The following RICTOR variants were observed in gnomAD, a reference collection of about 807,000 sequenced individuals.
RICTOR encodes RPTOR independent companion of MTOR complex 2.
In RICTOR, 49 loss-of-function variants were observed where a neutral mutation model predicts 214.9. That is an observed-to-expected ratio of 0.23 (90% CI 0.18 to 0.29). The LOEUF is 0.29. Among genes scored for constraint, RICTOR ranks in the 10% least tolerant of loss-of-function variants. The pLI is 1.00. For missense variants in RICTOR, 1,625 were observed against 2,047.0 expected (o/e 0.79, Z 3.98); for synonymous variants, 717 against 711.3 (o/e 1.01, Z -0.13).
chr5:39,059,094 T>C (rs1004103102), intron 2 of RICTOR, among the ~76,000 whole-genome samples: 14 of 152,086 alleles, frequency 9.2e-5, no homozygotes, highest in African/African-American at 3.4e-4. Flanking sequence ...AAAGAATCCA[T>C]CCACATCATA....
intron 2 of RICTOR, among the ~76,000 whole-genome samples, chr5:39,056,080 G>C (rs555168073): frequency 1.3e-5 from 2 of 152,160 alleles, no homozygotes; most frequent in African/African-American, 4.8e-5. Context: ...AACATATTAG[G>C]TTTGATGTAC....
intron 6 of RICTOR, among the ~76,000 whole-genome samples, chr5:38,994,904 G>A (rs1159213313): frequency 6.6e-6 from 1 of 152,082 alleles, no homozygotes; most frequent in Non-Finnish European, 1.5e-5. Flanking sequence ...AAATTCTGAG[G>A]GTCCTTAAGA....
chr5:38,983,971 AAAAACAAAAC>A (rs769537834), intron 7 of RICTOR, among the ~76,000 whole-genome samples: 1 of 152,178 alleles, frequency 6.6e-6, no homozygotes, highest in African/African-American at 2.4e-5. Context: ...TCTCAAAAAC[AAAAACAAAAC>A]AAAACAAAAG....
intron 33 of RICTOR, 98 bp downstream of exon 33, chr5:38,946,370 G>T (rs1298382361): frequency 2.7e-6 from 2 of 742,786 alleles, no homozygotes; most frequent in Non-Finnish European, 2.3e-6. Flanking sequence ...CCAAAAGTGA[G>T]TCTTCCTAAA....
At chr5:38,990,603 TATG>T (rs1752561047) in intron 7 of RICTOR, among the ~76,000 whole-genome samples, 1 of 127,062 alleles carries the variant, frequency 7.9e-6, no homozygotes, top group African/African-American at 3.0e-5. Context: ...ATACGATATA[TATG>T]ATATATATAC....
At chr5:39,016,765 G>A (rs1039697602) in intron 3 of RICTOR, among the ~76,000 whole-genome samples, 1 of 152,132 alleles carries the variant, frequency 6.6e-6, no homozygotes, top group Non-Finnish European at 1.5e-5. Flanking sequence ...TATCTTCACT[G>A]TCCAATGTGG....
At chr5:38,964,003 G>A (rs1040573497) in intron 16 of RICTOR, among the ~76,000 whole-genome samples, 16 of 151,566 alleles carry the variant, frequency 1.1e-4, no homozygotes, top group African/African-American at 3.6e-4. Context: ...TTAAAGCTAA[G>A]TAAACTTTTC....
chr5:38,948,690 T>C (rs752385289), intron 31 of RICTOR, among the ~76,000 whole-genome samples: 1 of 152,106 alleles, frequency 6.6e-6, no homozygotes, highest in African/African-American at 2.4e-5. Context: ...CAGTGAGCTG[T>C]TGAGAACTTT....
At chr5:39,008,791 ATTATT>A (rs1754268491) in intron 3 of RICTOR, among the ~76,000 whole-genome samples, 1 of 151,970 alleles carries the variant, frequency 6.6e-6, no homozygotes, top group South Asian at 2.1e-4. Flanking sequence ...AAAATAATTT[ATTATT>A]TTAAAGATTT....
At chr5:38,982,994 T>C (rs1751847424) in intron 7 of RICTOR, among the ~76,000 whole-genome samples, 1 of 152,108 alleles carries the variant, frequency 6.6e-6, no homozygotes, top group Non-Finnish European at 1.5e-5. Context: ...ATAATTACAT[T>C]TAGTAAAATC....
intron 2 of RICTOR, among the ~76,000 whole-genome samples, chr5:39,046,696 C>CA (rs1486655789): frequency 6.6e-6 from 1 of 152,164 alleles, no homozygotes; most frequent in East Asian, 1.9e-4. Context: ...CAATCCTTTT[C>CA]ATAACTATCC....
In RICTOR at chr5:39,023,723, C is replaced by T. The variant is rs766611061; in HGVS notation, c.98-2587G>A. 5.3e-5 allele frequency among the ~76,000 whole-genome samples: 8 copies of T among 152,154 alleles called. No homozygotes were observed. The East Asian group carries it at 5.8e-4, about 11-fold the overall frequency. On this transcript the variant is annotated intron_variant, in intron 2 of 37. Transcript: ENST00000357387. ...TTAGTGTTTTCCTCATCAAATGAAA[C>T]GGTTTGCACTGTCCTGCTTTAAATT...
rs1322674425 is a variant in RICTOR, at chr5:38,949,757, A to T, written c.4091T>A (p.Ile1364Asn). 11 of 1,613,230 alleles carry T rather than the reference A, an allele frequency of 6.8e-6. No individual in the cohort carries two copies. The highest frequency in any genetic ancestry group is 9.3e-6 in the Non-Finnish European group (11 of 1,179,518). The change falls in exon 31 of 38, where the codon ATC (isoleucine) becomes AAC (asparagine). Residue 1364 changes from isoleucine (I) to asparagine (N), a missense_variant. Transcript: ENST00000357387. Reference protein sequence around the residue: ...PAKDVLFTDTITMKANSFESR... With the variant: ...PAKDVLFTDTNTMKANSFESR... Reference sequence around the variant, plus strand: ...CTCAAAACTGTTGGCCTTCATGGTGATGGTATCAGTAAATAGCACATCTTT... The same window carrying T: ...CTCAAAACTGTTGGCCTTCATGGTGTTGGTATCAGTAAATAGCACATCTTT...
At chr5:39,073,381 T>C (rs1759466856) in intron 2 of RICTOR, among the ~76,000 whole-genome samples, 1 of 152,158 alleles carries the variant, frequency 6.6e-6, no homozygotes, top group African/African-American at 2.4e-5. Context: ...GATTAGGTCA[T>C]TAAAAATATC....
Position 38,944,473 on chromosome 5 carries a change from G to C in RICTOR, c.4886C>G (p.Thr1629Ser), listed in dbSNP as rs1336552726. Residue 1629 changes from threonine (T) to serine (S), a missense_variant, in exon 36 of 38, where the codon ACT becomes AGT. Thr to Ser is a moderately conservative substitution (Grantham distance 58, BLOSUM62 1). Coordinates refer to ENST00000357387, the MANE Select transcript of RICTOR (RefSeq NM_152756.5). ...LVINLSSSVS[T>S]KCHETGLLTI... ...TAAAAGCCCAGTCTCATGACATTTA[G>C]TTGAAACTGAACTACTCAAATTAAT... 2.5e-6 allele frequency: 4 copies of C among 1,610,974 alleles called. No individual in the cohort carries two copies.
chr5:39,052,801 T>C (rs1212277607), intron 2 of RICTOR, among the ~76,000 whole-genome samples: 1 of 152,200 alleles, frequency 6.6e-6, no homozygotes, highest in Admixed American at 6.5e-5. Flanking sequence ...TGAAATTAAG[T>C]GATCTCTTAT....
intron 5 of RICTOR, among the ~76,000 whole-genome samples, chr5:38,998,886 C>T (rs1398631357): frequency 3.3e-5 from 5 of 151,596 alleles, no homozygotes; most frequent in South Asian, 4.2e-4. Context: ...CGTGGTGGTG[C>T]GCACCCGCAG....
At chr5:39,054,194 A>T (rs1248730637) in intron 2 of RICTOR, among the ~76,000 whole-genome samples, 1 of 152,220 alleles carries the variant, frequency 6.6e-6, no homozygotes, top group East Asian at 1.9e-4. Context: ...AAAAAAATAC[A>T]AAGAACATAT....
intron 7 of RICTOR, among the ~76,000 whole-genome samples, chr5:38,986,301 C>G (rs916578286): frequency 4.6e-5 from 7 of 152,122 alleles, no homozygotes; most frequent in African/African-American, 1.7e-4. Flanking sequence ...TTTCCTGAGG[C>G]CTCTCAAGTC....
Sources: gnomAD v4.1 joint callset for allele counts (sites outside exome capture counted in the v4.1 genomes callset) on GRCh38, gnomAD v4.1.1 for gene constraint, MANE v1.5 for transcripts, NCBI Gene and HGNC (gene_info 2026-07-23, HGNC 2026-07-21) for gene names.